DHRSX: variants seen among roughly 807,000 people sequenced by gnomAD.
DHRSX encodes polyprenol dehydrogenase.
A neutral mutation model predicts 34.0 loss-of-function variants in DHRSX; 31 were observed. That is an observed-to-expected ratio of 0.91 (90% CI 0.69 to 1.23). The LOEUF is 1.23. Ranked by LOEUF, DHRSX falls within the 50% of genes most tolerant of loss-of-function variation. DHRSX has a pLI of 0.00. For missense variants in DHRSX, 414 were observed against 428.1 expected (o/e 0.97, Z 0.29); for synonymous variants, 201 against 183.8 (o/e 1.09, Z -0.76).
intron 5 of DHRSX, among the ~76,000 whole-genome samples, chrX:2,252,532 G>C (rs1436716124): frequency 6.6e-6 from 1 of 152,170 alleles, no homozygotes; most frequent in Non-Finnish European, 1.5e-5. Flanking sequence ...GCATTTGATT[G>C]ATGGGTAAGA....
intron 6 of DHRSX, among the ~76,000 whole-genome samples, chrX:2,232,355 G>C (rs67065634): frequency 0.83 from 125,830 of 152,026 alleles, 52,388 homozygotes; most frequent in East Asian, 0.95. Context: ...TAAAGCAACA[G>C]AACTTCCTTT....
In DHRSX at chrX:2,430,585, C is replaced by T. The variant is rs183146307; in HGVS notation, c.110-5281G>A. Among the ~76,000 whole-genome samples the T allele has an allele frequency of 9.2e-5, 14 of 152,252 alleles. No homozygotes were observed. The East Asian group carries it at 2.7e-3, about 29-fold the overall frequency. ...CAATTCCTCGCCGTCTCTTTCTTCA[C>T]AGGTGTGAGGCACCTACACCATCAC... On this transcript the variant is annotated intron_variant, in intron 1 of 6. Coordinates refer to ENST00000334651, the MANE Select transcript of DHRSX (RefSeq NM_145177.3).
intron 5 of DHRSX, among the ~76,000 whole-genome samples, chrX:2,247,017 C>G (rs1448948008): frequency 6.6e-6 from 1 of 151,996 alleles, no homozygotes; most frequent in African/African-American, 2.4e-5. Context: ...GGCGCCATCT[C>G]AGCTCACTGC....
intron 3 of DHRSX, among the ~76,000 whole-genome samples, chrX:2,403,476 C>T (rs1017740305): frequency 2.6e-5 from 4 of 152,116 alleles, no homozygotes; most frequent in Non-Finnish European, 2.9e-5. Flanking sequence ...ATCATGTATT[C>T]GTCATGCTAC....
chrX:2,288,114 A>T (rs1429795167), intron 4 of DHRSX, among the ~76,000 whole-genome samples: 1 of 114,564 alleles, frequency 8.7e-6, no homozygotes, highest in African/African-American at 3.2e-5. Context: ...GAACAAAAGT[A>T]AGTGAAGGAG....
At chrX:2,483,882 T>C (rs5939476) in intron 1 of DHRSX, among the ~76,000 whole-genome samples, 28,841 of 152,022 alleles carry the variant, frequency 0.19, 3,419 homozygotes, top group Middle Eastern at 0.26. Flanking sequence ...ATTCGTACAT[T>C]TTTTTTCTGA....
At chrX:2,301,971 G>A (rs1012661935) in intron 3 of DHRSX, among the ~76,000 whole-genome samples, 2 of 151,970 alleles carry the variant, frequency 1.3e-5, no homozygotes, top group Admixed American at 6.6e-5. Flanking sequence ...AGACCAACCC[G>A]TGGGGTCCCG....
rs765095774 is a variant in DHRSX at position 2,266,985 on chromosome X, G to A, written c.389-38C>T. 5.0e-6 allele frequency: 8 copies of A among 1,601,388 alleles called. No homozygotes were observed. In the African/African-American group the frequency reaches 8.0e-5, roughly 16 times the overall value. On this transcript the variant is annotated intron_variant, in intron 4 of 6. Transcript: ENST00000334651. ...GAATATCAGAAGGAGTTAGACTGGG[G>A]AAGACAGTGGAGAAATCTCACAGAT...
intron 1 of DHRSX, among the ~76,000 whole-genome samples, chrX:2,458,327 C>A (rs955316340): frequency 6.6e-6 from 1 of 152,110 alleles, no homozygotes. Context: ...GTCATCCCAC[C>A]GCTCGGTGTG....
At chrX:2,270,336 A>T (rs2041532895) in intron 4 of DHRSX, among the ~76,000 whole-genome samples, 1 of 152,128 alleles carries the variant, frequency 6.6e-6, no homozygotes, top group Admixed American at 6.5e-5. Flanking sequence ...TGGAACTCCT[A>T]CAGAGTTGTC....
At chrX:2,460,808 C>G (rs1569503607) in intron 1 of DHRSX, among the ~76,000 whole-genome samples, 2 of 152,030 alleles carry the variant, frequency 1.3e-5, no homozygotes, top group African/African-American at 4.8e-5. Flanking sequence ...GTCTCAAACC[C>G]CTGAGTTCAA....
intron 3 of DHRSX, among the ~76,000 whole-genome samples, chrX:2,365,454 T>C (rs2042985205): frequency 6.6e-6 from 1 of 152,122 alleles, no homozygotes; most frequent in Admixed American, 6.6e-5. Flanking sequence ...TTTGGCCTTT[T>C]TGATGCCACT....
At chrX:2,343,231 A>G (rs144581056) in intron 3 of DHRSX, among the ~76,000 whole-genome samples, 6,631 of 152,248 alleles carry the variant, frequency 0.044, 393 homozygotes, top group African/African-American at 0.13. Flanking sequence ...TGCTTAGTCT[A>G]TAAGAGAGAA....
intron 3 of DHRSX, among the ~76,000 whole-genome samples, chrX:2,350,167 T>C (rs183050467): frequency 1.4e-3 from 215 of 152,076 alleles, no homozygotes; most frequent in African/African-American, 5.0e-3. Context: ...CTGGCCAACA[T>C]GGGGAAACAC....
At chrX:2,301,602 T>C (rs1350667416) in intron 3 of DHRSX, among the ~76,000 whole-genome samples, 1 of 152,162 alleles carries the variant, frequency 6.6e-6, no homozygotes, top group East Asian at 1.9e-4. Context: ...TCACGGCTGG[T>C]TGCGCTGCAG....
At position 2,397,930 on chromosome X, in the gene DHRSX, G is replaced by GCACACACACA. The variant is rs111697078; in HGVS notation, c.286+10805_286+10814dup. On this transcript the variant is annotated intron_variant, in intron 3 of 6. Coordinates refer to ENST00000334651, the MANE Select transcript of DHRSX (RefSeq NM_145177.3). ...AAAAGTGCCAATATCCTCAGAGCGCGCACACACACACACACACACACACAT... is the reference window on the plus strand; with the variant it reads ...AAAAGTGCCAATATCCTCAGAGCGCGCACACACACACACACACACACACACACACACACAT... 1.4e-3 allele frequency among the ~76,000 whole-genome samples: 197 copies of GCACACACACA among 138,530 alleles called. 3 individuals are homozygous for GCACACACACA. Among genetic ancestry groups the GCACACACACA allele is most frequent in the African/African-American group, 5.3e-3 (182 of 34,330 alleles). The allele number at this position is 138,530 out of a possible 152,430, so 90.9% of individuals were successfully genotyped here. A position where few individuals can be genotyped will look rare whatever the true frequency, so the allele number is the denominator to read the frequency against.
At chrX:2,391,691 C>G (rs778726809) in intron 3 of DHRSX, among the ~76,000 whole-genome samples, 2 of 152,010 alleles carry the variant, frequency 1.3e-5, no homozygotes, top group East Asian at 3.9e-4. Context: ...TTTGGGAGGC[C>G]GAGGTGGGCA....
chrX:2,308,540 C>T (rs1279307924), intron 3 of DHRSX, among the ~76,000 whole-genome samples: 2 of 152,100 alleles, frequency 1.3e-5, no homozygotes, highest in Non-Finnish European at 1.5e-5. Flanking sequence ...GGAGGATCAT[C>T]GCCTATGAAG....
At chrX:2,364,643 A>G (rs956399942) in intron 3 of DHRSX, among the ~76,000 whole-genome samples, 49 of 152,148 alleles carry the variant, frequency 3.2e-4, no homozygotes, top group African/African-American at 1.2e-3. Context: ...TCTATCTACC[A>G]TCATTTATCT....
Sources: allele counts gnomAD v4.1 joint callset (sites outside exome capture counted in the v4.1 genomes callset), GRCh38; gene constraint gnomAD v4.1.1; transcripts MANE v1.5; gene names NCBI Gene and HGNC (gene_info 2026-07-23, HGNC 2026-07-21).